The following RBFOX1 variants were observed in gnomAD, a reference collection of about 807,000 sequenced individuals.
The protein encoded by RBFOX1 is RNA binding protein fox-1 homolog 1.
In RBFOX1, 8 loss-of-function variants were observed where a neutral mutation model predicts 57.7. The ratio of observed to expected loss-of-function variants is 0.14; its 90% CI spans 0.08 to 0.25. The LOEUF (loss-of-function observed/expected upper bound fraction) is 0.25. RBFOX1 is among the 10% of genes least tolerant of loss of function. The pLI, the probability that RBFOX1 is intolerant of heterozygous loss-of-function variation, is 1.00. For synonymous variants in RBFOX1, 326 were observed against 222.4 expected (o/e 1.47, Z -4.15); for missense variants, 611 against 548.5 (o/e 1.11, Z -1.14).
chr16:5,649,695 C>T (rs201204823), intron 3 of RBFOX1, among the ~76,000 whole-genome samples: 1 of 152,300 alleles, frequency 6.6e-6, no homozygotes. Flanking sequence ...AATATCCACG[C>T]ACAAAGTACT....
intron 14 of RBFOX1, among the ~76,000 whole-genome samples, chr16:7,696,460 C>G (rs1004022505): frequency 6.6e-6 from 1 of 151,916 alleles, no homozygotes; most frequent in Non-Finnish European, 1.5e-5. Flanking sequence ...CCAGGGTGGG[C>G]TAGTGATTGT....
chr16:7,366,436 A>G (rs368205014), intron 4 of RBFOX1, among the ~76,000 whole-genome samples: 1 of 152,136 alleles, frequency 6.6e-6, no homozygotes, highest in East Asian at 1.9e-4. Flanking sequence ...CTTGAAAAAA[A>G]TCATCCGGTC....
At chr16:6,195,739 A>AC (rs1598278267) in intron 1 of RBFOX1, among the ~76,000 whole-genome samples, 1 of 152,036 alleles carries the variant, frequency 6.6e-6, no homozygotes, top group Non-Finnish European at 1.5e-5. Flanking sequence ...AAAAAAAAAA[A>AC]AGGTTTGTAG....
intron 4 of RBFOX1, among the ~76,000 whole-genome samples, chr16:7,399,837 A>G (rs976043990): frequency 6.6e-5 from 10 of 152,232 alleles, no homozygotes; most frequent in Non-Finnish European, 1.2e-4. Context: ...TGTGGGGACA[A>G]AATTCAATCT....
At chr16:7,320,860 T>G (rs1380831491) in intron 4 of RBFOX1, among the ~76,000 whole-genome samples, 1 of 152,164 alleles carries the variant, frequency 6.6e-6, no homozygotes, top group Non-Finnish European at 1.5e-5. Flanking sequence ...TGCCCCAAAT[T>G]TATAAGGGAA....
At chr16:6,962,315 G>C (rs1007270920) in intron 3 of RBFOX1, among the ~76,000 whole-genome samples, 1 of 152,070 alleles carries the variant, frequency 6.6e-6, no homozygotes, top group Non-Finnish European at 1.5e-5. Context: ...ATCTCATCTT[G>C]AGATCCTTAG....
chr16:5,903,662 G>A lies in RBFOX1; in HGVS notation c.351+36327G>A, dbSNP rs570063154. On this transcript the variant is annotated intron_variant, in intron 4 of 19. Coordinates refer to the RBFOX1 transcript ENST00000641259. ...TGAAAAAAAGTCTATGTGTTTGGGG[G>A]CACCTCTAATAGTAAAATTTATGCT... Among the ~76,000 whole-genome samples, 4 of 152,222 alleles carry A rather than the reference G, an allele frequency of 2.6e-5. No homozygotes were observed. In the East Asian group the frequency reaches 5.8e-4, roughly 22 times the overall value.
intron 1 of RBFOX1, among the ~76,000 whole-genome samples, chr16:5,455,019 CTT>C (rs750024710): frequency 3.7e-4 from 43 of 115,574 alleles, no homozygotes; most frequent in East Asian, 8.3e-4. Flanking sequence ...TTCTTTCTTT[CTT>C]TCTCTCTCTC....
chr16:6,873,810 T>TCC (rs1471180345), intron 3 of RBFOX1: 1 of 152,210 alleles, frequency 6.6e-6, no homozygotes, highest in Non-Finnish European at 1.5e-5. Context: ...ATTGCCATTT[T>TCC]CCAGATAAGG....
intron 4 of RBFOX1, among the ~76,000 whole-genome samples, chr16:5,989,156 T>TA (rs71404568): frequency 0.03 from 4,020 of 134,006 alleles, 90 homozygotes; most frequent in African/African-American, 0.065. Context: ...CTGTCTCTAC[T>TA]AAAAAAAAAA....
At chr16:7,222,921 T>C (rs566036795) in intron 4 of RBFOX1, among the ~76,000 whole-genome samples, 1 of 152,280 alleles carries the variant, frequency 6.6e-6, no homozygotes, top group South Asian at 2.1e-4. Context: ...GCTCAACCAG[T>C]CCTCTCATTT....
At chr16:5,409,445 A>G (rs1181884025) in intron 1 of RBFOX1, among the ~76,000 whole-genome samples, 2 of 152,190 alleles carry the variant, frequency 1.3e-5, no homozygotes, top group Non-Finnish European at 2.9e-5. Context: ...CCTCTTAACA[A>G]CAATGTCTTC....
At chr16:5,844,293 G>A (rs148496030) in intron 3 of RBFOX1, among the ~76,000 whole-genome samples, 7 of 152,218 alleles carry the variant, frequency 4.6e-5, no homozygotes, top group Admixed American at 3.3e-4. Context: ...CAAAACTGCC[G>A]GCAAGAAATG....
At chr16:6,923,842 T>TTTGA (rs1369162850) in intron 3 of RBFOX1, among the ~76,000 whole-genome samples, 3 of 152,040 alleles carry the variant, frequency 2.0e-5, no homozygotes, top group African/African-American at 4.8e-5. Flanking sequence ...ACTGAACCTC[T>TTTGA]TTGAGTGTAT....
In RBFOX1 at chr16:6,105,312, T is replaced by A. The variant is rs974516544; in HGVS notation, c.-127+85320T>A. 7.2e-5 allele frequency among the ~76,000 whole-genome samples: 11 copies of A among 152,310 alleles called. No individual in the cohort carries two copies. The Middle Eastern group carries it at 0.02, about 283-fold the overall frequency. On this transcript the variant is annotated intron_variant, in intron 1 of 15. Coordinates refer to ENST00000550418, the MANE Select transcript of RBFOX1 (RefSeq NM_018723.4). ...TAATCCATTTGTAACGCATGATTCATCTATTGCTAGAAGGTACTTGGCATC... is the reference window on the plus strand; with the variant it reads ...TAATCCATTTGTAACGCATGATTCAACTATTGCTAGAAGGTACTTGGCATC...
At chr16:5,864,265 C>T (rs536485057) in intron 3 of RBFOX1, among the ~76,000 whole-genome samples, 16 of 152,320 alleles carry the variant, frequency 1.1e-4, no homozygotes, top group Non-Finnish European at 2.2e-4. Context: ...AAGACAAGGT[C>T]TCTTGTTAAC....
At chr16:5,778,029 C>G (rs1300698994) in intron 3 of RBFOX1, among the ~76,000 whole-genome samples, 2 of 152,142 alleles carry the variant, frequency 1.3e-5, no homozygotes, top group East Asian at 3.8e-4. Context: ...GCTCAGAACC[C>G]TAGGGCCAGT....
intron 3 of RBFOX1, among the ~76,000 whole-genome samples, chr16:5,799,551 C>A (rs1424934784): frequency 1.3e-5 from 2 of 152,010 alleles, no homozygotes; most frequent in Admixed American, 1.3e-4. Flanking sequence ...GTTTTTTTCA[C>A]TTTCAGTACA....
intron 3 of RBFOX1, among the ~76,000 whole-genome samples, chr16:5,710,159 C>T (rs1390338430): frequency 6.6e-6 from 1 of 151,774 alleles, no homozygotes; most frequent in Non-Finnish European, 1.5e-5. Flanking sequence ...TACTCAGAGC[C>T]ATGTGAGTTT....
Sources: gnomAD v4.1 joint callset for allele counts (sites outside exome capture counted in the v4.1 genomes callset) on GRCh38, gnomAD v4.1.1 for gene constraint, MANE v1.5 for transcripts, NCBI Gene and HGNC (gene_info 2026-07-23, HGNC 2026-07-21) for gene names.